CGGBP1: variants seen among roughly 807,000 people sequenced by gnomAD.
The protein encoded by CGGBP1 is CGG triplet repeat binding protein 1, also known as CGG triplet repeat-binding protein 1.
Under a neutral mutation model 11.4 loss-of-function variants are expected in CGGBP1, and 4 were observed. The ratio of observed to expected loss-of-function variants is 0.35; its 90% CI spans 0.17 to 0.80. The LOEUF (loss-of-function observed/expected upper bound fraction) is 0.80, where lower values mean the gene tolerates loss of function less well. CGGBP1 is among the 30% of genes least tolerant of loss of function. CGGBP1 has a pLI of 0.52. For synonymous variants in CGGBP1, 76 were observed against 74.1 expected (o/e 1.03, Z -0.13); for missense variants, 135 against 202.1 (o/e 0.67, Z 2.01).
At chr3:88,077,071 A>C (rs1707843819) in intron 2 of CGGBP1, among the ~76,000 whole-genome samples, 1 of 152,190 alleles carries the variant, frequency 6.6e-6, no homozygotes, top group African/African-American at 2.4e-5. Flanking sequence ...ATTTTTTGAG[A>C]TAGAGTAAGT....
chr3:88,111,691 C>T (rs1200014175), intron 2 of CGGBP1, among the ~76,000 whole-genome samples: 3 of 151,640 alleles, frequency 2.0e-5, no homozygotes, highest in Admixed American at 6.6e-5. Flanking sequence ...ATGTATATTT[C>T]GAGGATGAAA....
chr3:88,142,800 T>G (rs537971205), intron 1 of CGGBP1: 1 of 152,420 alleles, frequency 6.6e-6, no homozygotes, highest in East Asian at 1.9e-4. Context: ...CACAAAACAT[T>G]TGCACAAGAA....
intron 2 of CGGBP1, among the ~76,000 whole-genome samples, chr3:88,112,364 T>G (rs1024624971): frequency 6.6e-6 from 1 of 151,906 alleles, no homozygotes; most frequent in Non-Finnish European, 1.5e-5. Flanking sequence ...GAGGGATTTG[T>G]CACTTGTACT....
intron 2 of CGGBP1, among the ~76,000 whole-genome samples, chr3:88,098,696 T>G (rs2107707025): frequency 6.6e-6 from 1 of 152,302 alleles, no homozygotes; most frequent in Middle Eastern, 3.4e-3. Context: ...TCAATAAACG[T>G]AATCCAGCAT....
At chr3:88,059,226 G>A, upstream of CGGBP1, 3 of 1,499,564 alleles carry the variant, frequency 2.0e-6, no homozygotes, top group South Asian at 1.3e-5. Context: ...GGAGGGAAGG[G>A]GGAGGGAACT....
intron 1 of CGGBP1, chr3:88,141,160 G>A: frequency 8.2e-7 from 1 of 1,222,732 alleles, no homozygotes; most frequent in Non-Finnish European, 1.1e-6. Flanking sequence ...AGCACAGGTA[G>A]TGAAGCATTA....
intron 2 of CGGBP1, among the ~76,000 whole-genome samples, chr3:88,102,617 C>T (rs1704490780): frequency 6.6e-6 from 1 of 152,146 alleles, no homozygotes; most frequent in African/African-American, 2.4e-5. Flanking sequence ...TCTGGCAATT[C>T]AGCCTCTCCT....
intron 2 of CGGBP1, among the ~76,000 whole-genome samples, chr3:88,132,858 A>C (rs1706547603): frequency 6.6e-6 from 1 of 152,184 alleles, no homozygotes; most frequent in African/African-American, 2.4e-5. Flanking sequence ...ATGGAGTTGG[A>C]ATTTGTACTA....
intron 2 of CGGBP1, among the ~76,000 whole-genome samples, chr3:88,099,299 G>A (rs1396995254): frequency 2.6e-5 from 4 of 152,116 alleles, no homozygotes; most frequent in Non-Finnish European, 4.4e-5. Flanking sequence ...TCTTCAAGGA[G>A]AACTGCAAAT....
At chr3:88,139,954 T>C (rs1263765063) in intron 2 of CGGBP1, 2 of 1,613,554 alleles carry the variant, frequency 1.2e-6, no homozygotes, top group Non-Finnish European at 1.7e-6. Context: ...AGAATTGGGT[T>C]TCTAAATAAA....
intron 2 of CGGBP1, among the ~76,000 whole-genome samples, chr3:88,064,621 T>G (rs1211880785): frequency 1.3e-5 from 2 of 152,230 alleles, no homozygotes; most frequent in African/African-American, 4.8e-5. Flanking sequence ...AAACTCCCTC[T>G]ACTGATGGCT....
intron 2 of CGGBP1, among the ~76,000 whole-genome samples, chr3:88,087,907 C>G (rs1482014569): frequency 6.6e-6 from 1 of 152,100 alleles, no homozygotes; most frequent in African/African-American, 2.4e-5. Context: ...CTCCAAAATT[C>G]GAAACTCTTT....
At chr3:88,090,522 G>A (rs1270045466) in intron 2 of CGGBP1, among the ~76,000 whole-genome samples, 1 of 151,236 alleles carries the variant, frequency 6.6e-6, no homozygotes, top group African/African-American at 2.4e-5. Flanking sequence ...AAAGTTAAAA[G>A]TAAAAAGTTT....
intron 2 of CGGBP1, among the ~76,000 whole-genome samples, chr3:88,079,765 A>C (rs1707988690): frequency 6.6e-6 from 1 of 152,074 alleles, no homozygotes; most frequent in Admixed American, 6.5e-5. Context: ...GTCTTATTAC[A>C]TTTACAGAAC....
intron 2 of CGGBP1, among the ~76,000 whole-genome samples, chr3:88,065,223 C>T (rs4611846): frequency 0.78 from 119,204 of 152,168 alleles, 47,612 homozygotes; most frequent in South Asian, 0.91. Flanking sequence ...TAGGAAAAAA[C>T]AAAACAAATG....
At chr3:88,065,267 T>C (rs1298080182) in intron 2 of CGGBP1, among the ~76,000 whole-genome samples, 1 of 152,144 alleles carries the variant, frequency 6.6e-6, no homozygotes, top group African/African-American at 2.4e-5. Flanking sequence ...TTTGGGGAGC[T>C]AAATCCTTTT....
At chr3:88,110,506 T>A (rs1705023032) in intron 2 of CGGBP1, among the ~76,000 whole-genome samples, 1 of 152,170 alleles carries the variant, frequency 6.6e-6, no homozygotes, top group South Asian at 2.1e-4. Context: ...CTTAAAAAAA[T>A]TTAAATATGG....
At chr3:88,140,372 T>A in intron 2 of CGGBP1, 1 of 1,613,174 alleles carries the variant, frequency 6.2e-7, no homozygotes, top group Non-Finnish European at 8.5e-7. Context: ...AAGACTCATC[T>A]AGTAATGAGA....
intron 2 of CGGBP1, among the ~76,000 whole-genome samples, chr3:88,088,497 A>C (rs1708453226): frequency 6.6e-6 from 1 of 152,180 alleles, no homozygotes; most frequent in African/African-American, 2.4e-5. Flanking sequence ...AGATATGAAA[A>C]ATGAATTTGA....
Sources: gnomAD v4.1 joint callset for allele counts (sites outside exome capture counted in the v4.1 genomes callset) on GRCh38, gnomAD v4.1.1 for gene constraint, MANE v1.5 for transcripts, NCBI Gene and HGNC (gene_info 2026-07-23, HGNC 2026-07-21) for gene names.